EPC1: variants seen among roughly 807,000 people sequenced by gnomAD.
The protein encoded by EPC1 is enhancer of polycomb 1.
In EPC1, 12 loss-of-function variants were observed where a neutral mutation model predicts 98.4. The observed-to-expected ratio is 0.12, with a 90% CI of 0.08 to 0.20. The LOEUF (loss-of-function observed/expected upper bound fraction) is 0.20, where lower values mean the gene tolerates loss of function less well. Ranked by LOEUF, EPC1 falls within the 10% of genes least tolerant of loss-of-function variation. The pLI is 1.00. For missense variants in EPC1, 729 were observed against 990.5 expected (o/e 0.74, Z 3.54); for synonymous variants, 357 against 363.9 (o/e 0.98, Z 0.21).
chr10:32,301,283 AG>A (rs982172750), intron 2 of EPC1, among the ~76,000 whole-genome samples: 28 of 152,340 alleles, frequency 1.8e-4, no homozygotes, highest in African/African-American at 6.5e-4. Flanking sequence ...AGATAAAAAA[AG>A]ACCTGAATAC....
Position 32,370,058 on chromosome 10 carries a change from C to G in EPC1, c.3+8433G>C, listed in dbSNP as rs74859048. The stretch of plus-strand genomic sequence containing the variant: ...AGAACTACTACTTTGAATATATAAG[C>G]TAAAAACTTTTTATATATATTTTAA... On this transcript the variant is annotated intron_variant, in intron 1 of 13. Transcript: ENST00000375110. Among the ~76,000 whole-genome samples the G allele has an allele frequency of 7.7e-3, 1,178 of 152,212 alleles. 6 individuals are homozygous for G. The highest frequency in any genetic ancestry group is 0.024 in the Middle Eastern group (7 of 290).
rs1013610049 is a variant in EPC1 at position 32,343,493 on chromosome 10, G to T, written c.153+3270C>A. On this transcript the variant is annotated intron_variant, in intron 1 of 13. Coordinates refer to ENST00000319778, the MANE Select transcript of EPC1 (RefSeq NM_001272004.3). ...CCCAAAGTGCTGGGATTACAGGCGT[G>T]AGCCACCGCATCCTGCCAATCTGTT... Among the ~76,000 whole-genome samples, 22 of 152,348 alleles carry T rather than the reference G, an allele frequency of 1.4e-4. No individual in the cohort carries two copies. In the Middle Eastern group the frequency reaches 0.01, roughly 71 times the overall value.
intron 1 of EPC1, among the ~76,000 whole-genome samples, chr10:32,355,783 G>C (rs935888403): frequency 6.6e-6 from 1 of 151,964 alleles, no homozygotes; most frequent in East Asian, 1.9e-4. Flanking sequence ...GCTAATTTTT[G>C]TATTTTTAGT....
intron 1 of EPC1, among the ~76,000 whole-genome samples, chr10:32,361,592 C>A (rs1839445076): frequency 6.6e-6 from 1 of 152,150 alleles, no homozygotes; most frequent in Non-Finnish European, 1.5e-5. Context: ...TTTAGAAATG[C>A]AATTATAACC....
intron 1 of EPC1, among the ~76,000 whole-genome samples, chr10:32,360,403 A>T (rs1300118550): frequency 6.6e-6 from 1 of 152,192 alleles, no homozygotes; most frequent in Admixed American, 6.5e-5. Context: ...CTCTTTGCAC[A>T]GGTTGCTACT....
chr10:32,357,602 G>A (rs545372960), intron 1 of EPC1, among the ~76,000 whole-genome samples: 1 of 152,180 alleles, frequency 6.6e-6, no homozygotes, highest in African/African-American at 2.4e-5. Context: ...GGGACTACAG[G>A]TGCGTGCCAC....
chr10:32,327,062 G>GACACACACACACACAC (rs57395657), intron 1 of EPC1, among the ~76,000 whole-genome samples: 6 of 142,360 alleles, frequency 4.2e-5, no homozygotes, highest in African/African-American at 1.1e-4. Context: ...AAAATGTGGT[G>GACACACACACACACAC]ACACACACAC....
Position 32,271,443 on chromosome 10 carries a change from AT to A in EPC1, c.2369+110del, listed in dbSNP as rs1835839340. 9.1e-6 allele frequency: 11 copies of A among 1,206,972 alleles called. No homozygotes were observed. The South Asian group carries it at 1.6e-4, about 18-fold the overall frequency. 74.8% of individuals were successfully genotyped at this position (1,206,972 alleles called of 1,614,324 possible). On this transcript the variant is annotated intron_variant, in intron 13 of 13. Coordinates refer to ENST00000319778, the MANE Select transcript of EPC1 (RefSeq NM_001272004.3). ...ATCAATTCTCAACTATACATTTTCA[AT>A]GTATAAAAGGAAAAGAACAAGAAAC...
At chr10:32,361,945 G>C (rs550671276) in intron 1 of EPC1, among the ~76,000 whole-genome samples, 1 of 152,258 alleles carries the variant, frequency 6.6e-6, no homozygotes, top group South Asian at 2.1e-4. Context: ...CCAAGATAGT[G>C]ATGAGAGTGA....
chr10:32,358,279 T>C (rs1372420503), intron 1 of EPC1, among the ~76,000 whole-genome samples: 1 of 152,214 alleles, frequency 6.6e-6, no homozygotes, highest in African/African-American at 2.4e-5. Context: ...TCTTAAAGTA[T>C]AGAATGCACT....
intron 13 of EPC1, chr10:32,269,358 A>C (rs1390550828): frequency 2.4e-6 from 1 of 411,800 alleles, no homozygotes; most frequent in African/African-American, 2.1e-5. Flanking sequence ...TACCATCAAA[A>C]TTATAGTAGT....
intron 2 of EPC1, among the ~76,000 whole-genome samples, chr10:32,304,369 G>C (rs1835749904): frequency 6.6e-6 from 1 of 152,274 alleles, no homozygotes; most frequent in Admixed American, 6.5e-5. Context: ...TGTGGTTTTA[G>C]TTAACATACA....
intron 1 of EPC1, among the ~76,000 whole-genome samples, chr10:32,360,963 A>T (rs1401668547): frequency 6.6e-6 from 1 of 152,054 alleles, no homozygotes; most frequent in Non-Finnish European, 1.5e-5. Context: ...AATTCCTGTC[A>T]AACAGCCCGT....
chr10:32,373,544 C>T (rs1240019672), intron 1 of EPC1, among the ~76,000 whole-genome samples: 4 of 152,158 alleles, frequency 2.6e-5, no homozygotes, highest in Non-Finnish European at 4.4e-5. Flanking sequence ...TTTCAGTCCC[C>T]TTGTCAGTGA....
intron 1 of EPC1, among the ~76,000 whole-genome samples, chr10:32,337,788 A>G (rs1292430374): frequency 6.6e-6 from 1 of 150,930 alleles, no homozygotes; most frequent in South Asian, 2.1e-4. Flanking sequence ...CCCCTTTTTC[A>G]TCTTCTATTA....
chr10:32,316,881 C>T (rs1033955244), intron 1 of EPC1, among the ~76,000 whole-genome samples: 3 of 152,242 alleles, frequency 2.0e-5, no homozygotes, highest in Middle Eastern at 3.4e-3. Flanking sequence ...GGAAAACATG[C>T]ACTCATGTGT....
intron 1 of EPC1, among the ~76,000 whole-genome samples, chr10:32,314,142 A>C (rs2045088436): frequency 6.6e-6 from 1 of 152,228 alleles, no homozygotes; most frequent in South Asian, 2.1e-4. Flanking sequence ...AATAAAGTTA[A>C]ATAATTTAAA....
chr10:32,369,004 G>A lies in EPC1; in HGVS notation c.3+9487C>T, dbSNP rs551514473. Reference sequence around the variant, plus strand: ...AACTCTGAACAGATCAGACAAAGCCGTGTACTTCAAGTGTTCTCCTAATGT... The same window carrying A: ...AACTCTGAACAGATCAGACAAAGCCATGTACTTCAAGTGTTCTCCTAATGT... On this transcript the variant is annotated intron_variant, in intron 1 of 13. Transcript: ENST00000375110. Among the ~76,000 whole-genome samples the A allele has an allele frequency of 5.9e-5, 9 of 152,306 alleles. No homozygotes were observed. In the East Asian group the frequency reaches 1.4e-3, roughly 23 times the overall value.
chr10:32,351,645 C>G (rs189844939), upstream of EPC1, among the ~76,000 whole-genome samples: 2,533 of 151,386 alleles, frequency 0.017, 35 homozygotes, highest in Non-Finnish European at 0.025. Flanking sequence ...GCAATAAGAG[C>G]GAAACTCCAT....
Sources: allele counts gnomAD v4.1 joint callset (sites outside exome capture counted in the v4.1 genomes callset), GRCh38; gene constraint gnomAD v4.1.1; transcripts MANE v1.5; gene names NCBI Gene and HGNC (gene_info 2026-07-23, HGNC 2026-07-21).